The following FILIP1L variants were observed in gnomAD, a reference collection of about 807,000 sequenced individuals.
FILIP1L encodes the protein filamin A-interacting protein 1-like.
Under a neutral mutation model 96.6 loss-of-function variants are expected in FILIP1L, and 55 were observed. The ratio of observed to expected loss-of-function variants is 0.57; its 90% CI spans 0.46 to 0.71. FILIP1L has a LOEUF of 0.71. FILIP1L is among the 30% of genes least tolerant of loss of function. The pLI, the probability that FILIP1L is intolerant of heterozygous loss-of-function variation, is 0.00. For synonymous variants in FILIP1L, 467 were observed against 473.9 expected (o/e 0.99, Z 0.19); for missense variants, 1,304 against 1,321.2 (o/e 0.99, Z 0.20).
intron 1 of FILIP1L, among the ~76,000 whole-genome samples, chr3:100,007,693 G>A (rs1000153764): frequency 1.3e-5 from 2 of 152,218 alleles, no homozygotes; most frequent in African/African-American, 4.8e-5. Context: ...GTGTGTCACT[G>A]ATGGAAGCTA....
intron 1 of FILIP1L, among the ~76,000 whole-genome samples, chr3:100,001,741 G>A (rs1320996648): frequency 1.3e-5 from 2 of 152,144 alleles, no homozygotes; most frequent in African/African-American, 4.8e-5. Context: ...ATACCTGTAG[G>A]TTGGATCCTT....
At chr3:100,065,130 A>G (rs765109106) in intron 1 of FILIP1L, among the ~76,000 whole-genome samples, 5 of 152,176 alleles carry the variant, frequency 3.3e-5, no homozygotes, top group Non-Finnish European at 7.3e-5. Context: ...TATAATTAAT[A>G]TATACACTGG....
At chr3:100,071,455 C>G (rs1004567315) in intron 1 of FILIP1L, among the ~76,000 whole-genome samples, 3 of 152,196 alleles carry the variant, frequency 2.0e-5, no homozygotes, top group Admixed American at 6.5e-5. Flanking sequence ...AAAGTAGATA[C>G]TGTTTCCTCT....
chr3:99,984,924 T>C (rs1709286304), intron 1 of FILIP1L, among the ~76,000 whole-genome samples: 1 of 152,186 alleles, frequency 6.6e-6, no homozygotes, highest in South Asian at 2.1e-4. Flanking sequence ...ACAACTGGAA[T>C]TCCCAGGTTA....
At chr3:99,932,580 G>T (rs1044510081) in intron 1 of FILIP1L, among the ~76,000 whole-genome samples, 7 of 151,982 alleles carry the variant, frequency 4.6e-5, no homozygotes, top group African/African-American at 7.3e-5. Context: ...CAAATCAGCT[G>T]TGGAACTTGA....
chr3:100,053,471 C>T (rs2065407817), intron 1 of FILIP1L, among the ~76,000 whole-genome samples: 2 of 152,212 alleles, frequency 1.3e-5, no homozygotes, highest in South Asian at 2.1e-4. Flanking sequence ...CTCGTTGTGT[C>T]TGTATCCAAA....
At chr3:99,956,020 C>A (rs1386719221) in intron 1 of FILIP1L, among the ~76,000 whole-genome samples, 1 of 152,200 alleles carries the variant, frequency 6.6e-6, no homozygotes, top group Non-Finnish European at 1.5e-5. Context: ...GTGCCTGCCA[C>A]TTCAGAGTTA....
intron 4 of FILIP1L, among the ~76,000 whole-genome samples, chr3:99,901,699 C>T (rs1241991160): frequency 6.6e-6 from 1 of 152,110 alleles, no homozygotes; most frequent in Non-Finnish European, 1.5e-5. Context: ...TACTCTCAGC[C>T]AAGTGATTTT....
At chr3:99,857,800 T>A (rs793445) in intron 4 of FILIP1L, among the ~76,000 whole-genome samples, 111,817 of 152,100 alleles carry the variant, frequency 0.74, 41,800 homozygotes, top group African/African-American at 0.88. Flanking sequence ...CTCATCTGTC[T>A]CTTTAAGGAA....
chr3:99,923,043 C>T lies in FILIP1L; in HGVS notation c.605+1187G>A, dbSNP rs115311876. Among the ~76,000 whole-genome samples the T allele has an allele frequency of 5.0e-3, 766 of 151,960 alleles. 6 individuals are homozygous for T. Among genetic ancestry groups the T allele is most frequent in the African/African-American group, 0.017 (723 of 41,472 alleles). ...TCACTCTCTTTTTAAAGTCTTTGCT[C>T]ACTTCATTTCATTGCCTTCTTTGTC... On this transcript the variant is annotated intron_variant, in intron 4 of 5. Transcript: ENST00000477258.
chr3:100,020,707 A>G (rs1188560566), intron 1 of FILIP1L, among the ~76,000 whole-genome samples: 1 of 150,322 alleles, frequency 6.7e-6, no homozygotes, highest in Admixed American at 6.7e-5. Context: ...GCGAGTATAC[A>G]TGTTACTATT....
At chr3:100,027,513 A>T (rs1235114222) in intron 1 of FILIP1L, among the ~76,000 whole-genome samples, 2 of 152,136 alleles carry the variant, frequency 1.3e-5, no homozygotes, top group African/African-American at 4.8e-5. Flanking sequence ...TGAATGCATC[A>T]TGATGCCTGC....
chr3:100,088,243 G>A (rs1375274718), intron 1 of FILIP1L, among the ~76,000 whole-genome samples: 1 of 152,034 alleles, frequency 6.6e-6, no homozygotes. Flanking sequence ...GTGTCCCTTG[G>A]ACATCCCTTA....
At chr3:99,872,486 A>G (rs1452757012) in intron 4 of FILIP1L, among the ~76,000 whole-genome samples, 2 of 152,110 alleles carry the variant, frequency 1.3e-5, no homozygotes, top group Non-Finnish European at 2.9e-5. Context: ...AAACAGACAC[A>G]AGGAGTTGAG....
At chr3:100,086,660 T>C (rs2066015136) in intron 1 of FILIP1L, among the ~76,000 whole-genome samples, 1 of 152,230 alleles carries the variant, frequency 6.6e-6, no homozygotes, top group Admixed American at 6.5e-5. Context: ...TTTAAATTTT[T>C]GATAAAAATC....
At position 99,849,308 on chromosome 3, in the gene FILIP1L, T is replaced by A; in HGVS notation, c.2368A>T (p.Ile790Phe). 2.5e-6 allele frequency: 4 copies of A among 1,614,186 alleles called. No individual in the cohort carries two copies. The highest frequency in any genetic ancestry group is 3.4e-6 in the Non-Finnish European group (4 of 1,180,028). ...SLRPSLNGRR[I>F]SDPQVFSKEV... ...TTAGAAAATACTTGAGGATCGGAAA[T>A]TCTTCTTCCATTGAGACTAGGCCTG... Residue 790 changes from isoleucine to phenylalanine, a missense_variant, in exon 5 of 6, where the codon ATT (isoleucine) becomes TTT (phenylalanine). Physicochemically the swap from Ile to Phe is conservative, Grantham distance 21 (BLOSUM62 0). Transcript: ENST00000477258.
intron 4 of FILIP1L, among the ~76,000 whole-genome samples, chr3:99,916,259 G>A (rs1346386595): frequency 6.6e-6 from 1 of 152,088 alleles, no homozygotes; most frequent in Non-Finnish European, 1.5e-5. Context: ...TTCTGTCCTT[G>A]CCACTCCTGA....
At chr3:100,112,633 T>C (rs1451460528) in intron 1 of FILIP1L, among the ~76,000 whole-genome samples, 1 of 152,258 alleles carries the variant, frequency 6.6e-6, no homozygotes, top group Non-Finnish European at 1.5e-5. Context: ...TTTTCTTTGC[T>C]GCAGAACTTT....
At chr3:99,861,269 T>C (rs1944237952) in intron 4 of FILIP1L, among the ~76,000 whole-genome samples, 1 of 152,184 alleles carries the variant, frequency 6.6e-6, no homozygotes, top group South Asian at 2.1e-4. Context: ...CAGGTAGATG[T>C]CCCCTTAATC....
Sources: allele counts gnomAD v4.1 joint callset (sites outside exome capture counted in the v4.1 genomes callset), GRCh38; gene constraint gnomAD v4.1.1; transcripts MANE v1.5; gene names NCBI Gene and HGNC (gene_info 2026-07-23, HGNC 2026-07-21).